Variants in KPNA7 observed in about 807,000 individuals in gnomAD.
KPNA7 encodes importin subunit alpha-8.
In KPNA7, 54 loss-of-function variants were observed where a neutral mutation model predicts 53.7. That is an observed-to-expected ratio of 1.01 (90% CI 0.81 to 1.26). The LOEUF (loss-of-function observed/expected upper bound fraction) is 1.26. Among genes scored for constraint, KPNA7 ranks in the 50% most tolerant of loss-of-function variants. The probability of loss-of-function intolerance (pLI) is 0.00; values close to 1 mark genes in which losing one functional copy is unlikely to be tolerated. For synonymous variants in KPNA7, 276 were observed against 259.3 expected, an observed-to-expected ratio of 1.06 and a Z score of -0.62; for missense variants, 640 against 644.5, an observed-to-expected ratio of 0.99 and a Z score of 0.07.
chr7:99,178,118 A>AT (rs1798990349), intron 9 of KPNA7, 52 bp from the exon 10 acceptor site: 1 of 1,517,170 alleles, frequency 6.6e-7, no homozygotes, highest in African/African-American at 1.4e-5. Context: ...CCTTTGGGGG[A>AT]TAGGGACTCT....
chr7:99,209,941 G>A (rs925967930), upstream of KPNA7, among the ~76,000 whole-genome samples: 1 of 152,004 alleles, frequency 6.6e-6, no homozygotes, highest in Non-Finnish European at 1.5e-5. Context: ...AGGAAGTCAA[G>A]GCTGCAGTGA....
chr7:99,209,520 C>A (rs1001383950), upstream of KPNA7, among the ~76,000 whole-genome samples: 3 of 151,686 alleles, frequency 2.0e-5, no homozygotes, highest in African/African-American at 4.8e-5. Context: ...CCTGTCTCTA[C>A]TAAAAGTACA....
intron 9 of KPNA7, among the ~76,000 whole-genome samples, chr7:99,178,828 G>T (rs1563066224): frequency 6.9e-6 from 1 of 144,284 alleles, no homozygotes; most frequent in South Asian, 2.2e-4. Context: ...TATCGCCCAG[G>T]CTGGAGTGCA....
chr7:99,202,390 G>A (rs1022413479), intron 3 of KPNA7, among the ~76,000 whole-genome samples: 1 of 152,164 alleles, frequency 6.6e-6, no homozygotes. Flanking sequence ...ATTTAATAAG[G>A]TTGGGGTAGA....
chr7:99,200,727 G>A (rs1301714388), intron 3 of KPNA7, among the ~76,000 whole-genome samples: 1 of 152,166 alleles, frequency 6.6e-6, no homozygotes, highest in Non-Finnish European at 1.5e-5. Flanking sequence ...TGTAATCCCA[G>A]CACTTTAGGA....
chr7:99,180,503 G>A (rs111779715), intron 9 of KPNA7, among the ~76,000 whole-genome samples: 3 of 146,582 alleles, frequency 2.0e-5, no homozygotes, highest in African/African-American at 7.5e-5. Context: ...ATCTCTGTCT[G>A]TCTCTCTCTC....
chr7:99,181,724 G>A (rs557547712), intron 9 of KPNA7, among the ~76,000 whole-genome samples, 159 bp downstream of exon 9: 1 of 152,236 alleles, frequency 6.6e-6, no homozygotes, highest in South Asian at 2.1e-4. Context: ...ATTTGACGGG[G>A]TTTCACTATG....
the KPNA7 span, among the ~76,000 whole-genome samples, chr7:99,165,302 T>TTA: frequency 7.6e-5 from 11 of 145,330 alleles, no homozygotes; most frequent in East Asian, 2.0e-4. Context: ...CTTGCCTTTT[T>TTA]AAAAAAAAAA....
the KPNA7 span, among the ~76,000 whole-genome samples, chr7:99,157,238 T>C: frequency 6.6e-6 from 1 of 152,170 alleles, no homozygotes; most frequent in South Asian, 2.1e-4. Flanking sequence ...TGACAGAGTT[T>C]TGCTCTTGTT....
At chr7:99,193,193 A>C (rs1300624426) in intron 5 of KPNA7, 92 bp from the exon 6 acceptor site, 2 of 721,774 alleles carry the variant, frequency 2.8e-6, no homozygotes, top group Non-Finnish European at 4.3e-6. Flanking sequence ...AAAGGGCAAG[A>C]GACAAAAACT....
upstream of KPNA7, among the ~76,000 whole-genome samples, chr7:99,208,694 G>T (rs1321124619): frequency 6.6e-6 from 1 of 152,152 alleles, no homozygotes; most frequent in Non-Finnish European, 1.5e-5. Context: ...GCATGAACCT[G>T]AAGTCAGCTT....
In KPNA7 at chr7:99,192,072, A is replaced by T. The variant is rs140330554; in HGVS notation, c.636+947T>A. Among the ~76,000 whole-genome samples, 806 of 152,306 alleles carry T rather than the reference A, an allele frequency of 5.3e-3. 9 individuals carry two copies. The highest frequency in any genetic ancestry group is 0.018 in the African/African-American group (768 of 41,564). ...CACAAATCAACCAACCTTGACTCTA[A>T]GCCTCAAAAGAAGAGCCTGTTCCCC... is the stretch of plus-strand genomic sequence containing the variant. On this transcript the variant is annotated intron_variant, in intron 6 of 10. Coordinates refer to ENST00000327442, the MANE Select transcript of KPNA7 (RefSeq NM_001145715.3).
At chr7:99,167,442 A>G in the KPNA7 span, among the ~76,000 whole-genome samples, 1 of 152,000 alleles carries the variant, frequency 6.6e-6, no homozygotes, top group African/African-American at 2.4e-5. Flanking sequence ...TGAACTGTAC[A>G]TGCAAGGGAT....
chr7:99,202,901 G>T lies in KPNA7; in HGVS notation c.201+205C>A, dbSNP rs568455119. 3.8e-4 allele frequency among the ~76,000 whole-genome samples: 58 copies of T among 152,172 alleles called. 1 individual carries two copies. The highest frequency in any genetic ancestry group is 3.3e-3 in the South Asian group (16 of 4,814). On this transcript the variant is annotated intron_variant, in intron 3 of 10. Coordinates refer to ENST00000327442, the MANE Select transcript of KPNA7 (RefSeq NM_001145715.3). ...CCTCTCCATCCCCCACTAGAATCTA[G>T]ATTCCACAGACTCAGAGCCATAGGA... is the stretch of plus-strand genomic sequence containing the variant.
At chr7:99,194,967 A>G in intron 5 of KPNA7, 103 bp downstream of exon 5, 6 of 1,339,006 alleles carry the variant, frequency 4.5e-6, no homozygotes, top group East Asian at 2.5e-5. Context: ...TTTACATGGC[A>G]AAGTGTTCTG....
At position 99,202,334 on chromosome 7, in the gene KPNA7, G is replaced by C. The variant is rs1790578776; in HGVS notation, c.201+772C>G. Among the ~76,000 whole-genome samples, 4 of 152,106 alleles carry C rather than the reference G, an allele frequency of 2.6e-5. No individual in the cohort carries two copies. In the South Asian group the frequency reaches 8.3e-4, roughly 31 times the overall value. On this transcript the variant is annotated intron_variant, in intron 3 of 10. Transcript: ENST00000327442. ...GAAAACTTCCTGGTCAAGGCATTCG[G>C]TATTCACAGAAACCGGACTAACCTT...
At chr7:99,154,689 A>AT in the KPNA7 span, among the ~76,000 whole-genome samples, 2,182 of 149,418 alleles carry the variant, frequency 0.015, 39 homozygotes, top group African/African-American at 0.047. Flanking sequence ...CGCCCGGCTA[A>AT]TTTTTTTTTT....
At chr7:99,176,061 G>C (rs1171395457) in intron 10 of KPNA7, among the ~76,000 whole-genome samples, 2 of 151,862 alleles carry the variant, frequency 1.3e-5, no homozygotes, top group African/African-American at 4.8e-5. Context: ...ACTTTGGGAG[G>C]CCCGAGGCAG....
At chr7:99,155,694 G>A in the KPNA7 span, among the ~76,000 whole-genome samples, 7 of 151,604 alleles carry the variant, frequency 4.6e-5, no homozygotes, top group African/African-American at 1.7e-4. Context: ...CTGAGTAGCT[G>A]GAACTAACAG....
Sources: allele counts gnomAD v4.1 joint callset (sites outside exome capture counted in the v4.1 genomes callset), GRCh38; gene constraint gnomAD v4.1.1; transcripts MANE v1.5; gene names NCBI Gene and HGNC (gene_info 2026-07-23, HGNC 2026-07-21).